Variants in NEBL observed in about 807,000 individuals in gnomAD.
The protein encoded by NEBL is LIM and SH3 protein 2.
In NEBL, 122 loss-of-function variants were observed where a neutral mutation model predicts 140.2. The ratio of observed to expected loss-of-function variants is 0.87; its 90% CI spans 0.75 to 1.01. The LOEUF (loss-of-function observed/expected upper bound fraction) is 1.01. NEBL is among the 50% of genes least tolerant of loss of function. The pLI is 0.00. For missense variants in NEBL, 1,365 were observed against 1,231.3 expected (o/e 1.11, Z -1.62); for synonymous variants, 436 against 398.9 (o/e 1.09, Z -1.11).
At chr10:21,157,942 A>G (rs565491909) in intron 2 of NEBL, among the ~76,000 whole-genome samples, 1 of 152,324 alleles carries the variant, frequency 6.6e-6, no homozygotes, top group South Asian at 2.1e-4. Context: ...ACGGCTAGCC[A>G]TCTATTCAAC....
At chr10:21,203,751 C>T (rs1189977291) in intron 3 of NEBL, among the ~76,000 whole-genome samples, 1 of 152,152 alleles carries the variant, frequency 6.6e-6, no homozygotes, top group Non-Finnish European at 1.5e-5. Context: ...TTGGACTGCA[C>T]AGTATCGAAA....
chr10:21,175,546 T>C (rs1182888874), upstream of NEBL, among the ~76,000 whole-genome samples: 1 of 152,200 alleles, frequency 6.6e-6, no homozygotes, highest in Non-Finnish European at 1.5e-5. Context: ...AAGAAAACCA[T>C]TGGTTTCTGG....
chr10:21,181,263 C>T (rs546575006), intron 3 of NEBL, among the ~76,000 whole-genome samples: 3 of 126,082 alleles, frequency 2.4e-5, no homozygotes, highest in African/African-American at 6.0e-5. Context: ...AACTCTGTCT[C>T]AAAAAAAAAA....
intron 2 of NEBL, among the ~76,000 whole-genome samples, chr10:21,082,535 T>TAAAAAAAAAAAAAAAAAAAAAAAAAA (rs61234594): frequency 3.4e-5 from 4 of 117,286 alleles, no homozygotes; most frequent in African/African-American, 1.2e-4. Flanking sequence ...CCACCACCAC[T>TAAAAAAAAAAAAAAAAAAAAAAAAAA]AAAAAAAAAA....
intron 5 of NEBL, among the ~76,000 whole-genome samples, chr10:20,871,032 C>T (rs1251604682): frequency 2.6e-5 from 4 of 152,106 alleles, no homozygotes; most frequent in Non-Finnish European, 5.9e-5. Flanking sequence ...GGCAATATCC[C>T]CAGGGACCAG....
At chr10:20,994,001 C>A (rs1368950538) in intron 3 of NEBL, among the ~76,000 whole-genome samples, 1 of 152,188 alleles carries the variant, frequency 6.6e-6, no homozygotes, top group Non-Finnish European at 1.5e-5. Context: ...AATTAAACCA[C>A]AGCCACATAA....
chr10:21,146,652 T>C, intron 2 of NEBL: 1 of 596,168 alleles, frequency 1.7e-6, no homozygotes, highest in East Asian at 2.8e-5. Flanking sequence ...TGACTGATTA[T>C]GAGATGCTCT....
intron 5 of NEBL, among the ~76,000 whole-genome samples, chr10:20,870,345 A>AC (rs1554793556): frequency 1.3e-5 from 2 of 151,122 alleles, no homozygotes; most frequent in Non-Finnish European, 3.0e-5. Flanking sequence ...AAAAAAAAAA[A>AC]CTTGAACTGA....
chr10:20,897,738 T>G (rs1847630821), upstream of NEBL: 1 of 180,508 alleles, frequency 5.5e-6, no homozygotes, highest in African/African-American at 2.4e-5. Context: ...CAACCTAAAT[T>G]ATATGTTTTA....
At chr10:20,926,966 G>T (rs1294160731) in intron 4 of NEBL, among the ~76,000 whole-genome samples, 2 of 152,188 alleles carry the variant, frequency 1.3e-5, no homozygotes, top group Non-Finnish European at 2.9e-5. Context: ...GATGAGTGGG[G>T]AGGAAAAATC....
intron 3 of NEBL, among the ~76,000 whole-genome samples, chr10:20,967,301 A>C (rs766328900): frequency 1.3e-5 from 2 of 152,214 alleles, no homozygotes; most frequent in African/African-American, 4.8e-5. Flanking sequence ...TGAGTCTCAG[A>C]AACATTACGC....
intron 1 of NEBL, among the ~76,000 whole-genome samples, chr10:21,252,039 C>T (rs578002100): frequency 2.9e-4 from 44 of 152,308 alleles, no homozygotes; most frequent in African/African-American, 9.4e-4. Context: ...CCCCGCCCTC[C>T]GCTTCTCTTC....
intron 2 of NEBL, among the ~76,000 whole-genome samples, chr10:21,138,414 A>C (rs1589273574): frequency 6.6e-6 from 1 of 152,088 alleles, no homozygotes; most frequent in East Asian, 1.9e-4. Context: ...TAATAAATGG[A>C]CTGTCCACTT....
At chr10:21,095,119 A>G (rs1837123418) in intron 2 of NEBL, among the ~76,000 whole-genome samples, 1 of 152,216 alleles carries the variant, frequency 6.6e-6, no homozygotes, top group South Asian at 2.1e-4. Context: ...GCCTCATCTC[A>G]GACCAACCAA....
chr10:21,045,094 G>A (rs368263548), intron 2 of NEBL, among the ~76,000 whole-genome samples: 21 of 152,196 alleles, frequency 1.4e-4, no homozygotes, highest in African/African-American at 4.3e-4. Context: ...ACATTCTCAT[G>A]GGCCTCCATA....
rs577579758 is a variant in NEBL at position 20,817,228 on chromosome 10, G to A, written c.2148+372C>T. ...CAAAAAATACAAAAATTAGCCAGGT[G>A]TGGCAGCATGTGCCTGTAATCCCAG... On this transcript the variant is annotated intron_variant, in intron 21 of 27. Transcript: ENST00000377122. 1.1e-4 allele frequency among the ~76,000 whole-genome samples: 16 copies of A among 152,266 alleles called. No individual in the cohort carries two copies. In the East Asian group the frequency reaches 2.9e-3, roughly 28 times the overall value.
intron 2 of NEBL, among the ~76,000 whole-genome samples, chr10:21,073,945 G>A (rs1005252772): frequency 6.6e-6 from 1 of 151,914 alleles, no homozygotes; most frequent in African/African-American, 2.4e-5. Context: ...CGTGGTGGCG[G>A]GTGCCTGTAG....
At chr10:21,039,030 C>T (rs1834134870) in intron 2 of NEBL, among the ~76,000 whole-genome samples, 1 of 142,288 alleles carries the variant, frequency 7.0e-6, no homozygotes, top group Non-Finnish European at 1.5e-5. Flanking sequence ...GTGTTCTGTT[C>T]ATAGCCTTCG....
intron 4 of NEBL, among the ~76,000 whole-genome samples, chr10:20,923,163 T>C (rs1833676233): frequency 1.3e-5 from 2 of 151,938 alleles, no homozygotes; most frequent in African/African-American, 4.8e-5. Context: ...TAATCTCCCA[T>C]CTCAATCGAT....
Sources: allele counts gnomAD v4.1 joint callset (sites outside exome capture counted in the v4.1 genomes callset), GRCh38; gene constraint gnomAD v4.1.1; transcripts MANE v1.5; gene names NCBI Gene and HGNC (gene_info 2026-07-23, HGNC 2026-07-21).